PHACTR2: variants seen among roughly 807,000 people sequenced by gnomAD.
The protein encoded by PHACTR2 is chromosome 6 open reading frame 56.
A neutral mutation model predicts 76.0 loss-of-function variants in PHACTR2; 30 were observed. The ratio of observed to expected loss-of-function variants is 0.39; its 90% CI spans 0.30 to 0.54. The LOEUF (loss-of-function observed/expected upper bound fraction) is 0.54. PHACTR2 is among the 20% of genes least tolerant of loss of function. The pLI is 0.61. For synonymous variants in PHACTR2, 292 were observed against 292.5 expected, an observed-to-expected ratio of 1.00 and a Z score of 0.02; for missense variants, 696 against 781.1, an observed-to-expected ratio of 0.89 and a Z score of 1.30.
At position 143,727,267 on chromosome 6, in the gene PHACTR2, G is replaced by A. The variant is rs568739559; in HGVS notation, c.214+15084G>A. 4.6e-5 allele frequency among the ~76,000 whole-genome samples: 7 copies of A among 151,680 alleles called. No homozygotes were observed. The East Asian group carries it at 1.3e-3, about 29-fold the overall frequency. On this transcript the variant is annotated intron_variant, in intron 2 of 12. Transcript: ENST00000440869. ...AATTTCCTCCAGTTGTATCTATGTT[G>A]CTGCAAATGACAGGATTTTATTCTT... is the stretch of plus-strand genomic sequence containing the variant.
At chr6:143,552,863 A>G (rs540615088) in intron 1 of PHACTR2, among the ~76,000 whole-genome samples, 3 of 149,304 alleles carry the variant, frequency 2.0e-5, no homozygotes, top group African/African-American at 7.4e-5. Context: ...AGCCTTGGCA[A>G]CTGAGCAAGA....
intron 1 of PHACTR2, among the ~76,000 whole-genome samples, chr6:143,563,501 A>C (rs1935489511): frequency 6.7e-6 from 1 of 148,306 alleles, no homozygotes; most frequent in African/African-American, 2.5e-5. Context: ...GATTGCAGTG[A>C]GCCAAGATCG....
chr6:143,614,876 A>G (rs1776037167), intron 1 of PHACTR2, among the ~76,000 whole-genome samples: 1 of 152,212 alleles, frequency 6.6e-6, no homozygotes, highest in Non-Finnish European at 1.5e-5. Context: ...CACAGATTTT[A>G]TCAATCCAAA....
chr6:143,542,300 G>A (rs1781178352), intron 1 of PHACTR2, among the ~76,000 whole-genome samples: 2 of 152,282 alleles, frequency 1.3e-5, no homozygotes, highest in South Asian at 4.1e-4. Context: ...CTGACCGCCG[G>A]TCAGGCTTCA....
At chr6:143,725,496 G>A (rs62427407) in intron 2 of PHACTR2, among the ~76,000 whole-genome samples, 2 of 20,166 alleles carry the variant, frequency 9.9e-5, no homozygotes, top group Non-Finnish European at 8.5e-5. Flanking sequence ...CACCGCGCCC[G>A]GCCTGTGCTG....
chr6:143,643,314 T>A (rs1441565670), intron 1 of PHACTR2, among the ~76,000 whole-genome samples: 1 of 152,204 alleles, frequency 6.6e-6, no homozygotes, highest in African/African-American at 2.4e-5. Context: ...GGAGAATTTT[T>A]AGTGGTTCGA....
At position 143,780,572 on chromosome 6, in the gene PHACTR2, A is replaced by T. The variant is rs9968943; in HGVS notation, c.1646-2647A>T. On this transcript the variant is annotated intron_variant, in intron 9 of 12. Transcript: ENST00000440869. The surrounding 1 kb of genome is among the most constrained non-coding windows in gnomAD (Gnocchi z 4.4). Reference sequence around the variant, plus strand: ...TGAATTAACAACTCAAGAAGATAATACTCCAATTGCTGGTATTTTTATACT... The same window carrying T: ...TGAATTAACAACTCAAGAAGATAATTCTCCAATTGCTGGTATTTTTATACT... Among the ~76,000 whole-genome samples, 40,108 of 152,126 alleles carry T rather than the reference A, an allele frequency of 0.26. 5,555 individuals carry two copies. Among genetic ancestry groups the T allele is most frequent in the South Asian group, 0.33 (1,592 of 4,824 alleles).
Position 143,820,640 on chromosome 6 carries a change from G to A in PHACTR2, c.1923-3034G>A, listed in dbSNP as rs368202209. ...CCCCAGGCTGATCTCACAGGCTGGC[G>A]TTGAATGTCTGTGGCTTTTCCAGGC... On this transcript the variant is annotated intron_variant, in intron 12 of 12. Transcript: ENST00000440869. This position sits in a 1 kb window ranked among gnomAD's most constrained non-coding sequence, Gnocchi z 4.2. Among the ~76,000 whole-genome samples, 379 of 152,368 alleles carry A rather than the reference G, an allele frequency of 2.5e-3. 2 individuals are homozygous for A. Among genetic ancestry groups the A allele is most frequent in the African/African-American group, 8.6e-3 (356 of 41,592 alleles).
At chr6:143,714,327 T>C (rs1015341) in intron 2 of PHACTR2, among the ~76,000 whole-genome samples, 72,358 of 152,114 alleles carry the variant, frequency 0.48, 17,555 homozygotes, top group Middle Eastern at 0.57. Flanking sequence ...ATGAACCTTA[T>C]TGTGTTCTGC....
At chr6:143,606,228 G>A (rs545663358), upstream of PHACTR2, among the ~76,000 whole-genome samples, 4 of 150,382 alleles carry the variant, frequency 2.7e-5, no homozygotes, top group African/African-American at 9.8e-5. Flanking sequence ...TTCAAGTTAT[G>A]ACACTAAATG....
Position 143,648,419 on chromosome 6 carries a change from T to C in PHACTR2, c.13+40097T>C, listed in dbSNP as rs1776695887. 6.6e-6 allele frequency among the ~76,000 whole-genome samples: 1 copy of C among 151,924 alleles called. No individual in the cohort carries two copies. The highest frequency in any genetic ancestry group is 2.1e-4 in the South Asian group (1 of 4,812). Reference sequence around the variant, plus strand: ...ATTCAAAGGGCAAAGGGGTAGAAAATGGATCTGACTGTCTCTGCACTGGGA... The same window carrying C: ...ATTCAAAGGGCAAAGGGGTAGAAAACGGATCTGACTGTCTCTGCACTGGGA... On this transcript the variant is annotated intron_variant, in intron 1 of 11. Coordinates refer to the PHACTR2 transcript ENST00000305766. The surrounding 1 kb of genome is among the most constrained non-coding windows in gnomAD (Gnocchi z 6.7).
At position 143,570,468 on chromosome 6, in the gene PHACTR2, G is replaced by A. The variant is rs983357225; in HGVS notation, c.217+33261G>A. 1.3e-5 allele frequency among the ~76,000 whole-genome samples: 2 copies of A among 152,162 alleles called. No individual in the cohort carries two copies. The highest frequency in any genetic ancestry group is 4.8e-5 in the African/African-American group (2 of 41,422). On this transcript the variant is annotated intron_variant, in intron 1 of 11. Coordinates refer to the PHACTR2 transcript ENST00000367584. This position sits in a 1 kb window ranked among gnomAD's most constrained non-coding sequence, Gnocchi z 4.6. ...GGAAGTAAATATTATTGTTTTTGGG[G>A]GGTGACATCGACTGCATTTCAAATA...
Position 143,683,165 on chromosome 6 carries a change from C to T in PHACTR2, c.46+4956C>T, listed in dbSNP as rs145042120. On this transcript the variant is annotated intron_variant, in intron 1 of 12. Coordinates refer to ENST00000440869, the MANE Select transcript of PHACTR2 (RefSeq NM_001100164.2). The surrounding 1 kb of genome is among the most constrained non-coding windows in gnomAD (Gnocchi z 4.1). ...GATATGCCCTCAAATAGGATGGTTT[C>T]GGTACCCTCTGGCATCATGCCCTAG... is the stretch of plus-strand genomic sequence containing the variant. Among the ~76,000 whole-genome samples, 32 of 152,270 alleles carry T rather than the reference C, an allele frequency of 2.1e-4. No individual in the cohort carries two copies. Among genetic ancestry groups the T allele is most frequent in the South Asian group, 6.2e-4 (3 of 4,830 alleles).
chr6:143,597,747 A>T lies in PHACTR2; in HGVS notation c.217+60540A>T, dbSNP rs934934618. Among the ~76,000 whole-genome samples the T allele has an allele frequency of 1.3e-5, 2 of 152,230 alleles. No individual in the cohort carries two copies. The highest frequency in any genetic ancestry group is 4.8e-5 in the African/African-American group (2 of 41,474). Reference sequence around the variant, plus strand: ...TTAAGCCACTGAACATGCTGGACCCAGGCTTTGGAATGCCATATAGAGCTA... The same window carrying T: ...TTAAGCCACTGAACATGCTGGACCCTGGCTTTGGAATGCCATATAGAGCTA... On this transcript the variant is annotated intron_variant, in intron 1 of 11. Transcript: ENST00000367584. This position sits in a 1 kb window ranked among gnomAD's most constrained non-coding sequence, Gnocchi z 5.7.
chr6:143,577,337 T>C (rs1041879997), intron 1 of PHACTR2, among the ~76,000 whole-genome samples: 1 of 152,076 alleles, frequency 6.6e-6, no homozygotes, highest in Non-Finnish European at 1.5e-5. Context: ...AAATAAAATA[T>C]CACCTAACAT....
chr6:143,559,013 G>GCAGA, intron 1 of PHACTR2, among the ~76,000 whole-genome samples: 1 of 152,270 alleles, frequency 6.6e-6, no homozygotes, highest in East Asian at 1.9e-4. Flanking sequence ...AGCAGATATG[G>GCAGA]TAGCTTTTAG....
In PHACTR2 at chr6:143,554,105, A is replaced by G. The variant is rs763901628; in HGVS notation, c.217+16898A>G. ...CATGTTTTTTGATACAAATGTAGAA[A>G]GCAAAGTTTGGGAGATAACTATTTC... is the stretch of plus-strand genomic sequence containing the variant. On this transcript the variant is annotated intron_variant, in intron 1 of 11. Transcript: ENST00000367584. The surrounding 1 kb of genome is among the most constrained non-coding windows in gnomAD (Gnocchi z 5.9). 2.6e-5 allele frequency among the ~76,000 whole-genome samples: 4 copies of G among 152,174 alleles called. No homozygotes were observed. Among genetic ancestry groups the G allele is most frequent in the Non-Finnish European group, 5.9e-5 (4 of 68,042 alleles).
rs2128484683 is a variant in PHACTR2 at position 143,811,063 on chromosome 6, A to G, written c.1922+3930A>G. 6.6e-6 allele frequency among the ~76,000 whole-genome samples: 1 copy of G among 152,280 alleles called. No homozygotes were observed. The highest frequency in any genetic ancestry group is 1.9e-4 in the East Asian group (1 of 5,192). The stretch of plus-strand genomic sequence containing the variant: ...TACTTCATTGTTTTGTGTCTTATGG[A>G]CGGAGGCCAAGAGTATAAAACTATT... On this transcript the variant is annotated intron_variant, in intron 12 of 12. Coordinates refer to ENST00000440869, the MANE Select transcript of PHACTR2 (RefSeq NM_001100164.2). The surrounding 1 kb of genome is among the most constrained non-coding windows in gnomAD (Gnocchi z 4.1).
chr6:143,669,687 A>T (rs561040620), intron 1 of PHACTR2, among the ~76,000 whole-genome samples: 1 of 149,744 alleles, frequency 6.7e-6, no homozygotes, highest in Admixed American at 6.7e-5. Context: ...AGAGACTAGG[A>T]TTGCAACCCC....
Sources: allele counts gnomAD v4.1 joint callset (sites outside exome capture counted in the v4.1 genomes callset), GRCh38; gene constraint gnomAD v4.1.1; non-coding constraint Gnocchi (gnomAD v3.1); transcripts MANE v1.5; gene names NCBI Gene and HGNC (gene_info 2026-07-23, HGNC 2026-07-21).